FGFR2: variants seen among roughly 807,000 people sequenced by gnomAD.
The protein encoded by FGFR2 is fibroblast growth factor receptor 2.
In FGFR2, 19 loss-of-function variants were observed where a neutral mutation model predicts 95.9. The ratio of observed to expected loss-of-function variants is 0.20; its 90% CI spans 0.14 to 0.29. The LOEUF is 0.29. FGFR2 is among the 10% of genes least tolerant of loss of function. The probability of loss-of-function intolerance (pLI) is 1.00; values close to 1 mark genes in which losing one functional copy is unlikely to be tolerated. For synonymous variants in FGFR2, 392 were observed against 393.3 expected (o/e 1.00, Z 0.04); for missense variants, 707 against 1,056.9 (o/e 0.67, Z 4.59).
chr10:121,482,281 C>A (rs541602339), intron 17 of FGFR2: 1 of 987,252 alleles, frequency 1.0e-6, no homozygotes, highest in Admixed American at 2.0e-5. Context: ...TGGTTTCTTC[C>A]CCCCCTTGAA....
At chr10:121,481,816 C>A (rs1280271696) in intron 17 of FGFR2, 2 of 212,720 alleles carry the variant, frequency 9.4e-6, no homozygotes, top group Admixed American at 1.2e-4. Flanking sequence ...AGTGCTTTTC[C>A]CGGTTTCTTT....
At chr10:121,492,280 A>G (rs1292209789) in intron 13 of FGFR2, among the ~76,000 whole-genome samples, 3 of 152,206 alleles carry the variant, frequency 2.0e-5, no homozygotes, top group African/African-American at 7.2e-5. Flanking sequence ...AGCTAAAAAT[A>G]GTAAGGATTT....
rs548010461 is a variant in FGFR2, at chr10:121,499,008, C to T, written c.1562-403G>A. 9.8e-5 allele frequency among the ~76,000 whole-genome samples: 15 copies of T among 152,288 alleles called. No homozygotes were observed. In the South Asian group the frequency reaches 2.1e-3, roughly 21 times the overall value. On this transcript the variant is annotated intron_variant, in intron 11 of 17. Coordinates refer to ENST00000358487, the MANE Select transcript of FGFR2 (RefSeq NM_000141.5). ...TTTCAAATCACTACAGACTTGCTCC[C>T]GACCAAGCATTCTTAACCCAGCCCC...
At chr10:121,506,141 G>A (rs2134098020) in intron 9 of FGFR2, among the ~76,000 whole-genome samples, 1 of 152,144 alleles carries the variant, frequency 6.6e-6, no homozygotes, top group East Asian at 1.9e-4. Flanking sequence ...CAGATCACTT[G>A]AGGTCAGGAG....
intron 2 of FGFR2, chr10:121,566,033 T>A: frequency 2.4e-6 from 1 of 422,400 alleles, no homozygotes. Context: ...CTGTAATACC[T>A]GCAAAAATCT....
intron 2 of FGFR2, among the ~76,000 whole-genome samples, chr10:121,582,512 C>T (rs1004126442): frequency 6.6e-5 from 10 of 152,084 alleles, no homozygotes; most frequent in South Asian, 2.1e-4. Flanking sequence ...AAGAACTCTA[C>T]GGCCAGGTGC....
chr10:121,537,327 G>A (rs2134576966), intron 6 of FGFR2, among the ~76,000 whole-genome samples: 1 of 152,318 alleles, frequency 6.6e-6, no homozygotes, highest in East Asian at 1.9e-4. Context: ...GCTTTCTAAG[G>A]CAGAGTGTCT....
intron 4 of FGFR2, 145 bp from the exon 5 acceptor site, chr10:121,551,604 T>C: frequency 2.5e-6 from 2 of 796,122 alleles, no homozygotes; most frequent in South Asian, 3.6e-5. Flanking sequence ...ATTTGGAAAA[T>C]ATTTTCAGAA....
intron 2 of FGFR2, among the ~76,000 whole-genome samples, chr10:121,567,256 AG>A (rs1252729100): frequency 1.3e-5 from 2 of 152,184 alleles, no homozygotes; most frequent in Non-Finnish European, 2.9e-5. Flanking sequence ...ACAGCCACAC[AG>A]GAGGCCCGGG....
At chr10:121,579,953 C>G (rs1860565470) in intron 2 of FGFR2, among the ~76,000 whole-genome samples, 1 of 152,176 alleles carries the variant, frequency 6.6e-6, no homozygotes, top group East Asian at 1.9e-4. Flanking sequence ...CTAGAAGCTG[C>G]TGCTGGGACA....
chr10:121,565,631 G>A lies in FGFR2; in HGVS notation c.183C>T (p.Arg61=), dbSNP rs2135121049. The A allele has an allele frequency of 6.2e-7, 1 of 1,614,238 alleles. No homozygotes were observed. The highest frequency in any genetic ancestry group is 8.5e-7 in the Non-Finnish European group (1 of 1,180,042). ...TCACGGCGGCATCTTTCAACAGGCAGCGCACCTCTAGCGACTCCCCTGGCG... is the reference window on the plus strand; with the variant it reads ...TCACGGCGGCATCTTTCAACAGGCAACGCACCTCTAGCGACTCCCCTGGCG... ...VAAPGESLEV[R]CLLKDAAVIS... Residue 61 remains arginine (R), a synonymous_variant, in exon 3 of 18, where the codon CGC becomes CGT. Coordinates refer to ENST00000358487, the MANE Select transcript of FGFR2 (RefSeq NM_000141.5).
intron 12 of FGFR2, among the ~76,000 whole-genome samples, chr10:121,497,696 A>G (rs776384310): frequency 2.6e-5 from 4 of 152,334 alleles, no homozygotes; most frequent in Non-Finnish European, 5.9e-5. Flanking sequence ...TACAGCCTGC[A>G]AGCCAAATCC....
In FGFR2 at chr10:121,560,203, T is replaced by C. The variant is rs1173749883; in HGVS notation, c.454+4299A>G. Among the ~76,000 whole-genome samples, 5 of 152,194 alleles carry C rather than the reference T, an allele frequency of 3.3e-5. No individual in the cohort carries two copies. In the South Asian group the frequency reaches 1.0e-3, roughly 32 times the overall value. Reference sequence around the variant, plus strand: ...CATTCAATAAAGCAAGAATAAATACTCTCTCCACCTGATCGGGTTATTGGT... The same window carrying C: ...CATTCAATAAAGCAAGAATAAATACCCTCTCCACCTGATCGGGTTATTGGT... On this transcript the variant is annotated intron_variant, in intron 4 of 17. Coordinates refer to ENST00000358487, the MANE Select transcript of FGFR2 (RefSeq NM_000141.5).
At chr10:121,507,272 C>T (rs1848435700) in intron 9 of FGFR2, among the ~76,000 whole-genome samples, 1 of 152,186 alleles carries the variant, frequency 6.6e-6, no homozygotes, top group Admixed American at 6.5e-5. Flanking sequence ...CCTTTCTAGA[C>T]CTGGGTTTCC....
In FGFR2 at chr10:121,564,556, C is replaced by T. The variant is rs2135089733; in HGVS notation, c.400G>A (p.Glu134Lys). The change falls in exon 4 of 18, where the codon GAG (glutamate) becomes AAG (lysine). Residue 134 changes from glutamate (E) to lysine (K), a missense_variant. Physicochemically the swap from Glu to Lys is moderately conservative, Grantham distance 56 (BLOSUM62 1). Coordinates refer to ENST00000358487, the MANE Select transcript of FGFR2 (RefSeq NM_000141.5). Reference protein sequence around the residue: ...VTDAISSGDDEDDTDGAEDFV... With the variant: ...VTDAISSGDDKDDTDGAEDFV... ...TCTTCCGCACCATCGGTGTCATCCT[C>T]ATCATCTCCGGATGAGATGGCATCT... 5 of 1,614,026 alleles carry T rather than the reference C, an allele frequency of 3.1e-6. No homozygotes were observed. The highest frequency in any genetic ancestry group is 4.2e-6 in the Non-Finnish European group (5 of 1,179,984).
chr10:121,486,722 G>T (rs1845461180), intron 15 of FGFR2, among the ~76,000 whole-genome samples: 1 of 152,194 alleles, frequency 6.6e-6, no homozygotes, highest in African/African-American at 2.4e-5. Flanking sequence ...TTGATTACAG[G>T]TATGAGTCAC....
chr10:121,546,483 C>A (rs1168515360), intron 5 of FGFR2, among the ~76,000 whole-genome samples: 1 of 152,188 alleles, frequency 6.6e-6, no homozygotes, highest in Non-Finnish European at 1.5e-5. Context: ...TTTGCTCATG[C>A]ACTTTAAAAA....
chr10:121,478,353 C>T lies in FGFR2; in HGVS notation c.*1504G>A. On this transcript the variant is annotated 3_prime_UTR_variant, in exon 18 of 18. Coordinates refer to ENST00000358487, the MANE Select transcript of FGFR2 (RefSeq NM_000141.5). ...AGTATTAAAAAAATAAGTTGCGTGA[C>T]ATTTATTTTGTCTTGTTAACATTAA... 8.6e-6 allele frequency: 2 copies of T among 231,572 alleles called. No homozygotes were observed. Among genetic ancestry groups the T allele is most frequent in the Non-Finnish European group, 1.7e-5 (2 of 116,810 alleles). The allele number at this position is 231,572 out of a possible 1,614,324, so 14.3% of individuals were successfully genotyped here. A position where few individuals can be genotyped will look rare whatever the true frequency, so the allele number is the denominator to read the frequency against.
chr10:121,482,512 T>C lies in FGFR2; in HGVS notation c.2301+1186A>G, dbSNP rs3135814. Among the ~76,000 whole-genome samples the C allele has an allele frequency of 0.75, 114,494 of 152,142 alleles. 44,008 individuals are homozygous for C. The highest frequency in any genetic ancestry group is 0.98 in the East Asian group (5,087 of 5,178). The stretch of plus-strand genomic sequence containing the variant: ...TTTCCTTCTAAAATACTTGGGGGAC[T>C]TTAACTTTTTTCTTGTTGAGACAAT... On this transcript the variant is annotated intron_variant, in intron 17 of 17. Coordinates refer to ENST00000358487, the MANE Select transcript of FGFR2 (RefSeq NM_000141.5).
Sources: allele counts gnomAD v4.1 joint callset (sites outside exome capture counted in the v4.1 genomes callset), GRCh38; gene constraint gnomAD v4.1.1; transcripts MANE v1.5; gene names NCBI Gene and HGNC (gene_info 2026-07-23, HGNC 2026-07-21).